The following FBXW8 variants were observed in gnomAD, a reference collection of about 807,000 sequenced individuals.
FBXW8 encodes F-box and WD repeat domain containing 8.
FBXW8 carries 57 observed loss-of-function variants against 65.3 expected under a neutral mutation model. The observed-to-expected ratio is 0.87, with a 90% CI of 0.71 to 1.09. The LOEUF is 1.09. Ranked by LOEUF, FBXW8 falls within the 50% of genes least tolerant of loss-of-function variation. The pLI is 0.00. For synonymous variants in FBXW8, 308 were observed against 330.2 expected (o/e 0.93, Z 0.73); for missense variants, 777 against 814.8 (o/e 0.95, Z 0.57).
At position 117,024,224 on chromosome 12, in the gene FBXW8, A is replaced by G; in HGVS notation, c.1445A>G (p.Gln482Arg). The change falls in exon 9 of 11, where the codon CAG (glutamine) becomes CGG (arginine). Residue 482 changes from glutamine (Q) to arginine (R), a missense_variant. Physicochemically the swap from Gln to Arg is conservative, Grantham distance 43 (BLOSUM62 1). Transcript: ENST00000652555. ...SAHQLRVSAV[Q>R]MDDWKIVSGG... ...CATCAGCTCAGGGTCTCTGCTGTGC[A>G]GATGGATGACTGGAAGATCGTCAGT... 1.2e-6 allele frequency: 2 copies of G among 1,614,086 alleles called. No individual in the cohort carries two copies. Among genetic ancestry groups the G allele is most frequent in the East Asian group, 2.2e-5 (1 of 44,894 alleles).
At chr12:117,027,334 C>T (rs752457585) in intron 9 of FBXW8, 60 bp from the exon 10 acceptor site, 23 of 1,303,612 alleles carry the variant, frequency 1.8e-5, no homozygotes, top group South Asian at 7.1e-5. Flanking sequence ...CCCAGGCCTG[C>T]GGCAGCAAGT....
intron 4 of FBXW8, chr12:116,950,658 A>T (rs1461464083): frequency 6.6e-6 from 1 of 152,208 alleles, no homozygotes; most frequent in Admixed American, 6.5e-5. Context: ...TTTAAACAAG[A>T]TGTACCCAGG....
chr12:116,964,645 T>G, intron 4 of FBXW8, 52 bp from the exon 5 acceptor site: 5 of 1,606,338 alleles, frequency 3.1e-6, no homozygotes, highest in Non-Finnish European at 4.3e-6. Flanking sequence ...TTCCCCACCA[T>G]AGCCCTGCTC....
At chr12:117,008,201 C>T (rs988275811) in intron 7 of FBXW8, among the ~76,000 whole-genome samples, 4 of 152,176 alleles carry the variant, frequency 2.6e-5, no homozygotes, top group African/African-American at 9.7e-5. Context: ...ATTCTACCGA[C>T]TTAAAGGCCT....
At chr12:116,937,716 GTC>G (rs1882262408) in intron 2 of FBXW8, among the ~76,000 whole-genome samples, 2 of 150,072 alleles carry the variant, frequency 1.3e-5, no homozygotes, top group African/African-American at 5.0e-5. Context: ...ATAGAGAGCT[GTC>G]TCTATGTGGT....
intron 8 of FBXW8, among the ~76,000 whole-genome samples, chr12:117,018,602 C>T (rs1421481851): frequency 1.5e-5 from 2 of 131,574 alleles, no homozygotes; most frequent in Admixed American, 7.1e-5. Context: ...TTTCTGTCGA[C>T]GAGAAGCCAG....
intron 8 of FBXW8, among the ~76,000 whole-genome samples, chr12:117,023,224 G>A (rs1350680087): frequency 6.6e-6 from 1 of 152,128 alleles, no homozygotes; most frequent in East Asian, 1.9e-4. Context: ...GAATCCTGTC[G>A]CTCCACAGCT....
chr12:116,954,776 T>A lies in FBXW8; in HGVS notation c.677+5070T>A, dbSNP rs185582262. On this transcript the variant is annotated intron_variant, in intron 4 of 10. Coordinates refer to ENST00000652555, the MANE Select transcript of FBXW8 (RefSeq NM_153348.3). ...TTTGTAGCCCTCAGCTTCTTTGCAATCTAACCTTTTGACTTGAAGTCTCCA... is the reference window on the plus strand; with the variant it reads ...TTTGTAGCCCTCAGCTTCTTTGCAAACTAACCTTTTGACTTGAAGTCTCCA... 8.5e-5 allele frequency among the ~76,000 whole-genome samples: 13 copies of A among 152,270 alleles called. No homozygotes were observed. In the East Asian group the frequency reaches 2.5e-3, roughly 29 times the overall value.
rs1953773149 is a variant in FBXW8 at position 117,010,331 on chromosome 12, G to A, written c.1248G>A (p.Val416=). The A allele has an allele frequency of 3.1e-6, 5 of 1,614,108 alleles. No individual in the cohort carries two copies. The highest frequency in any genetic ancestry group is 1.7e-5 in the Admixed American group (1 of 60,010). Reference sequence around the variant, plus strand: ...TTCTCTTCCTCTCTCAGATCCTGGTGTATAGCCTGGAAGCAGGACGCCGCC... The same window carrying A: ...TTCTCTTCCTCTCTCAGATCCTGGTATATAGCCTGGAAGCAGGACGCCGCC... The part of the protein sequence containing the change: ...GWVYEGSKIL[V]YSLEAGRRLL... Residue 416 remains valine, a synonymous_variant, in exon 8 of 11, where the codon GTG becomes GTA. Coordinates refer to ENST00000652555, the MANE Select transcript of FBXW8 (RefSeq NM_153348.3).
chr12:116,969,832 G>A (rs1452548754), intron 5 of FBXW8, among the ~76,000 whole-genome samples: 1 of 151,772 alleles, frequency 6.6e-6, no homozygotes, highest in Non-Finnish European at 1.5e-5. Context: ...TGCACCTGGG[G>A]TGTTGAGATT....
intron 5 of FBXW8, 75 bp downstream of exon 5, chr12:116,964,929 C>A: frequency 6.9e-7 from 1 of 1,458,336 alleles, no homozygotes. Flanking sequence ...GTGGCCGGCT[C>A]CCCCCTGTAA....
intron 8 of FBXW8, among the ~76,000 whole-genome samples, chr12:117,014,424 T>A (rs1435224543): frequency 6.6e-6 from 1 of 152,242 alleles, no homozygotes; most frequent in Non-Finnish European, 1.5e-5. Flanking sequence ...ATCTTAGGGT[T>A]GACATCTGTT....
Position 117,030,266 on chromosome 12 carries a change from GCTTT to G in FBXW8, c.*2100_*2103del, listed in dbSNP as rs1461610273. ...GAAGCGTCACCTTCCCGTCCAGAGC[GCTTT>G]CTTTCAGACCCTGCCTACCTGCAGG... is the stretch of plus-strand genomic sequence containing the variant. On this transcript the variant is annotated 3_prime_UTR_variant, in exon 11 of 11. Coordinates refer to ENST00000652555, the MANE Select transcript of FBXW8 (RefSeq NM_153348.3). The G allele has an allele frequency of 5.3e-5, 8 of 152,304 alleles. No individual in the cohort carries two copies. In the Middle Eastern group the frequency reaches 0.01, roughly 194 times the overall value. The allele number at this position is 152,304 out of a possible 1,614,324, so 9.4% of individuals were successfully genotyped here.
rs531314929 is a variant in FBXW8, at chr12:117,017,789, T to G, written c.1368-6358T>G. Among the ~76,000 whole-genome samples the G allele has an allele frequency of 2.0e-5, 3 of 152,310 alleles. No homozygotes were observed. In the East Asian group the frequency reaches 5.8e-4, roughly 29 times the overall value. ...TGAAACTGCCGAGCCAGACACTGAA[T>G]AGGCTTCAGCTTGCCATCAGCTACG... On this transcript the variant is annotated intron_variant, in intron 8 of 10. Coordinates refer to ENST00000652555, the MANE Select transcript of FBXW8 (RefSeq NM_153348.3).
Position 116,936,282 on chromosome 12 carries a change from G to A in FBXW8, c.423+8155G>A, listed in dbSNP as rs1003184470. ...CTGAAGCTCATCTGAGGCAGGGTGC[G>A]CCTGTTGTGTTTGAAGAACAGCAGG... On this transcript the variant is annotated intron_variant, in intron 2 of 10. Transcript: ENST00000652555. This position sits in a 1 kb window ranked among gnomAD's most constrained non-coding sequence, Gnocchi z 4.6. 6.6e-6 allele frequency among the ~76,000 whole-genome samples: 1 copy of A among 152,192 alleles called. No homozygotes were observed. The highest frequency in any genetic ancestry group is 1.5e-5 in the Non-Finnish European group (1 of 68,036).
Position 117,024,305 on chromosome 12 carries a change from G to C in FBXW8, c.1526G>C (p.Trp509Ser). 1 of 1,614,178 alleles carries C rather than the reference G, an allele frequency of 6.2e-7. No homozygotes were observed. The highest frequency in any genetic ancestry group is 8.5e-7 in the Non-Finnish European group (1 of 1,180,014). Residue 509 changes from tryptophan (W) to serine (S), a missense_variant, in exon 9 of 11, where the codon TGG becomes TCG. Transcript: ENST00000652555. ...VWDYRMNQKL[W>S]EVYSGHPVQH... ...GATTATCGGATGAACCAGAAGCTGTGGGAGGTGTATTCCGGGTAAGGTGCA... is the reference window on the plus strand; with the variant it reads ...GATTATCGGATGAACCAGAAGCTGTCGGAGGTGTATTCCGGGTAAGGTGCA...
In FBXW8 at chr12:117,029,454, A is replaced by C. The variant is rs1365419396; in HGVS notation, c.*1282A>C. 2.0e-5 allele frequency: 3 copies of C among 151,712 alleles called. No homozygotes were observed. Among genetic ancestry groups the C allele is most frequent in the African/African-American group, 7.3e-5 (3 of 41,074 alleles). The allele number at this position is 151,712 out of a possible 1,614,324, so 9.4% of individuals were successfully genotyped here. ...AGTAAAAGCACAGAATACAAAACCC[A>C]GGGGATGGGGCTGGGAGGGGCTGTG... On this transcript the variant is annotated 3_prime_UTR_variant, in exon 11 of 11. Transcript: ENST00000652555.
At chr12:116,938,616 A>G (rs1882326804) in intron 2 of FBXW8, among the ~76,000 whole-genome samples, 1 of 152,218 alleles carries the variant, frequency 6.6e-6, no homozygotes. Context: ...TGAAAGTCCC[A>G]TTGAAAAGTT....
chr12:116,910,962 G>T lies in FBXW8; in HGVS notation c.-76G>T. The T allele has an allele frequency of 7.9e-7, 1 of 1,272,216 alleles. No individual in the cohort carries two copies. The highest frequency in any genetic ancestry group is 2.4e-5 in the South Asian group (1 of 41,224). 78.8% of individuals were successfully genotyped at this position (1,272,216 alleles called of 1,614,324 possible). ...GCGGCAGCGGCTTCCGGCCGCGGCG[G>T]ACACTTCCCTGGGCGGGACTGTCTC... On this transcript the variant is annotated 5_prime_UTR_variant, in exon 1 of 11. Transcript: ENST00000652555.
Sources: allele counts gnomAD v4.1 joint callset (sites outside exome capture counted in the v4.1 genomes callset), GRCh38; gene constraint gnomAD v4.1.1; non-coding constraint Gnocchi (gnomAD v3.1); transcripts MANE v1.5; gene names NCBI Gene and HGNC (gene_info 2026-07-23, HGNC 2026-07-21).